Variants in ACSL1 observed in about 807,000 individuals in gnomAD.
ACSL1 encodes the protein long-chain-fatty-acid--CoA ligase 1.
In ACSL1, 41 loss-of-function variants were observed where a neutral mutation model predicts 98.4. That is an observed-to-expected ratio of 0.42 (90% CI 0.32 to 0.54). The LOEUF (loss-of-function observed/expected upper bound fraction) is 0.54, where lower values mean the gene tolerates loss of function less well. Ranked by LOEUF, ACSL1 falls within the 20% of genes least tolerant of loss-of-function variation. ACSL1 has a pLI of 0.13. For synonymous variants in ACSL1, 316 were observed against 322.7 expected (o/e 0.98, Z 0.22); for missense variants, 734 against 883.1 (o/e 0.83, Z 2.14).
At chr4:184,782,837 A>T (rs1420572267) in intron 4 of ACSL1, among the ~76,000 whole-genome samples, 1 of 152,134 alleles carries the variant, frequency 6.6e-6, no homozygotes, top group Non-Finnish European at 1.5e-5. Context: ...GGACGGGGAG[A>T]AATCATGCAC....
intron 1 of ACSL1, among the ~76,000 whole-genome samples, chr4:184,815,578 A>G (rs1772557797): frequency 6.6e-6 from 1 of 152,120 alleles, no homozygotes; most frequent in African/African-American, 2.4e-5. Flanking sequence ...CAGCTATCAC[A>G]TATCAGTGAC....
intron 1 of ACSL1, chr4:184,808,604 T>A (rs1410077665): frequency 6.3e-6 from 4 of 637,336 alleles, no homozygotes; most frequent in Non-Finnish European, 7.8e-6. Flanking sequence ...CCCTTTGTCA[T>A]TCACTAGCTG....
chr4:184,768,180 G>T, intron 12 of ACSL1, 136 bp downstream of exon 12: 2 of 909,170 alleles, frequency 2.2e-6, no homozygotes, highest in Non-Finnish European at 3.2e-6. Flanking sequence ...CTTTACAGAT[G>T]AGTAAACTGA....
intron 4 of ACSL1, among the ~76,000 whole-genome samples, chr4:184,782,998 T>C (rs4260575): frequency 0.019 from 2,844 of 152,224 alleles, 96 homozygotes; most frequent in African/African-American, 0.065. Flanking sequence ...TTTGTATTCA[T>C]GAATCCGCAT....
intron 4 of ACSL1, among the ~76,000 whole-genome samples, chr4:184,781,836 C>T (rs1579887771): frequency 6.6e-6 from 1 of 152,188 alleles, no homozygotes; most frequent in East Asian, 1.9e-4. Flanking sequence ...GTCTTGAACT[C>T]CTGACCTCAG....
intron 1 of ACSL1, among the ~76,000 whole-genome samples, chr4:184,815,481 C>T (rs1212593085): frequency 6.7e-6 from 1 of 149,530 alleles, no homozygotes; most frequent in Non-Finnish European, 1.5e-5. Flanking sequence ...CCCTCCAGGA[C>T]CCAGGCCTGG....
intron 18 of ACSL1, 124 bp from the exon 19 acceptor site, chr4:184,758,044 G>T: frequency 1.1e-6 from 1 of 879,476 alleles, no homozygotes; most frequent in Non-Finnish European, 1.8e-6. Flanking sequence ...CATCTATTCA[G>T]AACATACTAC....
Position 184,788,735 on chromosome 4 carries a change from T to A in ACSL1, c.196-4A>T, listed in dbSNP as rs752592668. 1.2e-6 allele frequency: 2 copies of A among 1,612,172 alleles called. No individual in the cohort carries two copies. The highest frequency in any genetic ancestry group is 1.7e-6 in the Non-Finnish European group (2 of 1,179,178). On this transcript the variant is annotated splice_polypyrimidine_tract_variant and splice_region_variant and intron_variant, in intron 2 of 20. Coordinates refer to ENST00000281455, the MANE Select transcript of ACSL1 (RefSeq NM_001995.5). ...ATCTTCGTGCACCACCACTACCCTA[T>A]CAAAAAAGAAAGGGGGGCAGGTTAG...
At chr4:184,794,702 G>A (rs899058740) in intron 2 of ACSL1, among the ~76,000 whole-genome samples, 25 of 152,178 alleles carry the variant, frequency 1.6e-4, no homozygotes, top group African/African-American at 4.6e-4. Flanking sequence ...ATCCAGGTAC[G>A]TCAAGGTTTG....
At chr4:184,812,457 C>T (rs1365298733) in intron 1 of ACSL1, among the ~76,000 whole-genome samples, 2 of 152,132 alleles carry the variant, frequency 1.3e-5, no homozygotes, top group Non-Finnish European at 2.9e-5. Context: ...TTCTACCCGC[C>T]ACCAGACTCC....
chr4:184,791,882 G>C (rs1046971575), intron 2 of ACSL1, among the ~76,000 whole-genome samples: 6 of 152,186 alleles, frequency 3.9e-5, no homozygotes, highest in Non-Finnish European at 5.9e-5. Context: ...ACTGGGTACT[G>C]GGGGTAGGCT....
At chr4:184,782,180 A>C (rs1054664487) in intron 4 of ACSL1, among the ~76,000 whole-genome samples, 1 of 152,020 alleles carries the variant, frequency 6.6e-6, no homozygotes, top group Admixed American at 6.6e-5. Flanking sequence ...GCCTGAGAAA[A>C]GCCTGCAATT....
chr4:184,812,176 T>C (rs2150480995), intron 1 of ACSL1: 8 of 985,046 alleles, frequency 8.1e-6, no homozygotes, highest in East Asian at 1.1e-4. Flanking sequence ...TGGTACTTAG[T>C]ACCTATGTAG....
rs1465458403 is a variant in ACSL1, at chr4:184,803,625, C to A, written c.-32-79G>T. 9 of 1,015,008 alleles carry A rather than the reference C, an allele frequency of 8.9e-6. No homozygotes were observed. The highest frequency in any genetic ancestry group is 8.2e-5 in the African/African-American group (5 of 60,708). 62.9% of individuals were successfully genotyped at this position (1,015,008 alleles called of 1,614,324 possible). A position where few individuals can be genotyped will look rare whatever the true frequency, so the allele number is the denominator to read the frequency against. ...AGAACTCCAAAATTCCACCGGCCAGCCATCTAATTGGGTAGCTGCTCGGCC... is the reference window on the plus strand; with the variant it reads ...AGAACTCCAAAATTCCACCGGCCAGACATCTAATTGGGTAGCTGCTCGGCC... On this transcript the variant is annotated intron_variant, in intron 1 of 20. Transcript: ENST00000281455. This position sits in a 1 kb window ranked among gnomAD's most constrained non-coding sequence, Gnocchi z 4.8.
At chr4:184,811,570 T>C (rs1772122529) in intron 1 of ACSL1, among the ~76,000 whole-genome samples, 1 of 152,108 alleles carries the variant, frequency 6.6e-6, no homozygotes, top group Non-Finnish European at 1.5e-5. Flanking sequence ...AAATACTACA[T>C]GATCTCACTT....
Position 184,766,818 on chromosome 4 carries a change from T to G in ACSL1, c.1129-62A>C. ...CTAGGATGGCCAGAGTCAAAGAGTG[T>G]GGAGAAATCAGAACCCTCACACACA... is the stretch of plus-strand genomic sequence containing the variant. On this transcript the variant is annotated intron_variant, in intron 12 of 20. Transcript: ENST00000281455. This position sits in a 1 kb window ranked among gnomAD's most constrained non-coding sequence, Gnocchi z 4.8. 2 of 1,542,130 alleles carry G rather than the reference T, an allele frequency of 1.3e-6. No individual in the cohort carries two copies. The highest frequency in any genetic ancestry group is 1.8e-6 in the Non-Finnish European group (2 of 1,132,016).
At chr4:184,786,051 C>T (rs909246762) in intron 3 of ACSL1, among the ~76,000 whole-genome samples, 5 of 152,106 alleles carry the variant, frequency 3.3e-5, no homozygotes, top group Admixed American at 2.6e-4. Flanking sequence ...AGTCTCCCTA[C>T]GATGGGAGGG....
intron 18 of ACSL1, among the ~76,000 whole-genome samples, chr4:184,759,466 A>G (rs534930737): frequency 3.9e-5 from 6 of 152,260 alleles, no homozygotes; most frequent in Non-Finnish European, 8.8e-5. Context: ...TCCAGAATCT[A>G]CAATGAACTG....
chr4:184,764,789 C>A, intron 15 of ACSL1, 64 bp downstream of exon 15: 1 of 1,441,682 alleles, frequency 6.9e-7, no homozygotes, highest in South Asian at 1.3e-5. Flanking sequence ...TAACCCAATT[C>A]CAGACATACC....
Sources: gnomAD v4.1 joint callset for allele counts (sites outside exome capture counted in the v4.1 genomes callset) on GRCh38, gnomAD v4.1.1 for gene constraint, Gnocchi (gnomAD v3.1) non-coding constraint, MANE v1.5 for transcripts, NCBI Gene and HGNC (gene_info 2026-07-23, HGNC 2026-07-21) for gene names.